CHIC2: variants seen among roughly 807,000 people sequenced by gnomAD.
CHIC2 encodes the protein cysteine-rich hydrophobic domain-containing protein 2.
A neutral mutation model predicts 25.9 loss-of-function variants in CHIC2; 14 were observed. The ratio of observed to expected loss-of-function variants is 0.54; its 90% CI spans 0.36 to 0.85. The LOEUF (loss-of-function observed/expected upper bound fraction) is 0.85, where lower values mean the gene tolerates loss of function less well. Among genes scored for constraint, CHIC2 ranks in the 40% least tolerant of loss-of-function variants. CHIC2 has a pLI of 0.01. For missense variants in CHIC2, 146 were observed against 202.0 expected (o/e 0.72, Z 1.68); for synonymous variants, 70 against 72.0 (o/e 0.97, Z 0.14).
intron 1 of CHIC2, among the ~76,000 whole-genome samples, chr4:54,049,508 T>C (rs1009128339): frequency 6.6e-6 from 1 of 152,188 alleles, no homozygotes; most frequent in Non-Finnish European, 1.5e-5. Flanking sequence ...ATGGAAACTT[T>C]TGCATAATGA....
chr4:54,018,034 AT>A (rs1352352558), intron 3 of CHIC2, among the ~76,000 whole-genome samples: 1 of 152,196 alleles, frequency 6.6e-6, no homozygotes, highest in Non-Finnish European at 1.5e-5. Context: ...AAGAATAGAA[AT>A]TTTGGCTTCT....
the CHIC2 span, chr4:54,087,757 T>G: frequency 2.4e-5 from 12 of 490,028 alleles, no homozygotes; most frequent in African/African-American, 2.2e-4. Flanking sequence ...CAAAGTAGCT[T>G]CTGCTAAGTA....
At chr4:54,046,826 G>A (rs1427728872) in intron 3 of CHIC2, among the ~76,000 whole-genome samples, 1 of 152,186 alleles carries the variant, frequency 6.6e-6, no homozygotes, top group Non-Finnish European at 1.5e-5. Flanking sequence ...AAGAGCTTCT[G>A]CACAGCAAAA....
At chr4:54,031,904 G>A (rs1424940313) in intron 3 of CHIC2, among the ~76,000 whole-genome samples, 1 of 152,016 alleles carries the variant, frequency 6.6e-6, no homozygotes, top group Non-Finnish European at 1.5e-5. Flanking sequence ...ACAGGAGTGA[G>A]CCACAGTGCC....
intron 3 of CHIC2, among the ~76,000 whole-genome samples, chr4:54,016,152 A>G (rs1475678199): frequency 1.3e-5 from 2 of 152,148 alleles, no homozygotes; most frequent in African/African-American, 4.8e-5. Context: ...GAGCAGAACA[A>G]GTTTTCCAAG....
intron 3 of CHIC2, among the ~76,000 whole-genome samples, chr4:54,018,991 T>C (rs1021274515): frequency 3.9e-5 from 6 of 151,926 alleles, no homozygotes; most frequent in African/African-American, 1.4e-4. Flanking sequence ...ATAAGAATGC[T>C]ATTCATCTTT....
At chr4:54,086,779 G>A in the CHIC2 span, 1 of 286,034 alleles carries the variant, frequency 3.5e-6, no homozygotes, top group East Asian at 9.0e-5. Flanking sequence ...GATCCTGATT[G>A]TAGAAACCTC....
chr4:54,058,093 A>G (rs1717227411), intron 1 of CHIC2, among the ~76,000 whole-genome samples: 1 of 152,220 alleles, frequency 6.6e-6, no homozygotes. Context: ...CTAGTCAATT[A>G]GATAATTCTG....
chr4:54,045,770 A>G lies in CHIC2; in HGVS notation c.330+3185T>C, dbSNP rs1057143105. Among the ~76,000 whole-genome samples the G allele has an allele frequency of 6.7e-4, 102 of 152,212 alleles. No homozygotes were observed. The South Asian group carries it at 0.019, about 29-fold the overall frequency. On this transcript the variant is annotated intron_variant, in intron 3 of 5. Coordinates refer to ENST00000263921, the MANE Select transcript of CHIC2 (RefSeq NM_012110.4). ...AGGGATGCCCTCTCTCACCACTCAT[A>G]TTCAACATAGTGTTGGAAGTTCTGG...
At chr4:54,072,644 T>C in the CHIC2 span, among the ~76,000 whole-genome samples, 7 of 152,246 alleles carry the variant, frequency 4.6e-5, no homozygotes, top group African/African-American at 1.7e-4. Flanking sequence ...TAGTTATTCT[T>C]GTAATCTAAG....
intron 3 of CHIC2, among the ~76,000 whole-genome samples, chr4:54,036,012 T>C (rs533587904): frequency 6.6e-6 from 1 of 152,232 alleles, no homozygotes; most frequent in Non-Finnish European, 1.5e-5. Context: ...TTTCTAGCGA[T>C]TTTTCATTTA....
At chr4:54,080,145 T>C in the CHIC2 span, among the ~76,000 whole-genome samples, 37 of 148,084 alleles carry the variant, frequency 2.5e-4, no homozygotes, top group African/African-American at 9.1e-4. Context: ...TATGTGTATA[T>C]ATGTGTATAT....
intron 1 of CHIC2, among the ~76,000 whole-genome samples, chr4:54,056,104 T>A (rs1052576649): frequency 1.3e-5 from 2 of 152,180 alleles, no homozygotes; most frequent in Non-Finnish European, 2.9e-5. Context: ...ATACATAGTC[T>A]TATAATAATC....
At chr4:54,079,296 A>C in the CHIC2 span, among the ~76,000 whole-genome samples, 1 of 152,186 alleles carries the variant, frequency 6.6e-6, no homozygotes. Flanking sequence ...CTAAAGTCTG[A>C]AACCACAAAA....
chr4:54,011,740 C>T (rs770056119), intron 5 of CHIC2, among the ~76,000 whole-genome samples: 20 of 151,902 alleles, frequency 1.3e-4, no homozygotes, highest in Non-Finnish European at 2.9e-4. Context: ...AGAAGCCACA[C>T]ATAGAGACTG....
intron 3 of CHIC2, among the ~76,000 whole-genome samples, chr4:54,018,987 A>C (rs1715819788): frequency 6.6e-6 from 1 of 151,922 alleles, no homozygotes; most frequent in Admixed American, 6.5e-5. Context: ...TCAAATAAGA[A>C]TGCTATTCAT....
chr4:54,071,178 A>G, the CHIC2 span, among the ~76,000 whole-genome samples: 1 of 152,242 alleles, frequency 6.6e-6, no homozygotes. Flanking sequence ...GCTTGGAGAA[A>G]AAGCTAAATG....
At chr4:54,039,007 T>C (rs1716484876) in intron 3 of CHIC2, among the ~76,000 whole-genome samples, 1 of 152,064 alleles carries the variant, frequency 6.6e-6, no homozygotes, top group South Asian at 2.1e-4. Flanking sequence ...ACAATGGCAA[T>C]TCAAGGGAAA....
upstream of CHIC2, among the ~76,000 whole-genome samples, chr4:54,066,816 G>A (rs749318170): frequency 5.1e-4 from 77 of 152,098 alleles, 1 homozygote; most frequent in Non-Finnish European, 1.2e-4. Context: ...AGCTGCAAAT[G>A]GGAAGATAAG....
Sources: allele counts gnomAD v4.1 joint callset (sites outside exome capture counted in the v4.1 genomes callset), GRCh38; gene constraint gnomAD v4.1.1; transcripts MANE v1.5; gene names NCBI Gene and HGNC (gene_info 2026-07-23, HGNC 2026-07-21).